The following ATAD3C variants were observed in gnomAD, a reference collection of about 807,000 sequenced individuals.
ATAD3C encodes the protein ATPase family AAA domain containing 3C.
ATAD3C carries 38 observed loss-of-function variants against 46.3 expected under a neutral mutation model. That is an observed-to-expected ratio of 0.82 (90% confidence interval 0.63 to 1.08). The LOEUF is 1.08. Among genes scored for constraint, ATAD3C ranks in the 50% least tolerant of loss-of-function variants. The pLI, the probability that ATAD3C is intolerant of heterozygous loss-of-function variation, is 0.00. For synonymous variants in ATAD3C, 220 were observed against 236.4 expected (o/e 0.93, Z 0.63); for missense variants, 563 against 572.7 (o/e 0.98, Z 0.17).
In ATAD3C at chr1:1,451,945, C is replaced by A. The variant is rs1025721752; in HGVS notation, c.76-101C>A. 50 of 1,524,234 alleles carry A rather than the reference C, an allele frequency of 3.3e-5. No homozygotes were observed. In the African/African-American group the frequency reaches 6.2e-4, roughly 19 times the overall value. The allele number at this position is 1,524,234 out of a possible 1,614,324, so 94.4% of individuals were successfully genotyped here. A position where few individuals can be genotyped will look rare whatever the true frequency, so the allele number is the denominator to read the frequency against. Reference sequence around the variant, plus strand: ...TGCAGGTCCCCAGGTGCCCGGGACGCTTGGAGCCCTGCGGTCCTGGGGCGG... The same window carrying A: ...TGCAGGTCCCCAGGTGCCCGGGACGATTGGAGCCCTGCGGTCCTGGGGCGG... On this transcript the variant is annotated intron_variant, in intron 1 of 11. Transcript: ENST00000378785.
chr1:1,456,612 GA>G (rs1443572980), intron 7 of ATAD3C, among the ~76,000 whole-genome samples: 4 of 151,820 alleles, frequency 2.6e-5, no homozygotes, highest in Admixed American at 2.6e-4. Flanking sequence ...TGCAGGGGGA[GA>G]GGGGTCTTCA....
At chr1:1,452,610 A>G (rs1184739542) in intron 3 of ATAD3C, among the ~76,000 whole-genome samples, 176 bp downstream of exon 3, 2 of 151,844 alleles carry the variant, frequency 1.3e-5, no homozygotes, top group African/African-American at 4.8e-5. Flanking sequence ...TTGAGCTGGG[A>G]GAAGAAAATG....
At chr1:1,465,669 T>C (rs185925905) in intron 11 of ATAD3C, among the ~76,000 whole-genome samples, 2 of 151,834 alleles carry the variant, frequency 1.3e-5, no homozygotes, top group East Asian at 3.9e-4. Flanking sequence ...TGATTTTGTA[T>C]CCTGTAACTT....
At chr1:1,464,431 G>A (rs1409133919) in intron 11 of ATAD3C, among the ~76,000 whole-genome samples, 3 of 143,870 alleles carry the variant, frequency 2.1e-5, no homozygotes, top group Admixed American at 2.0e-4. Flanking sequence ...TCACAGCGGT[G>A]GTGGTGAGCC....
intron 3 of ATAD3C, among the ~76,000 whole-genome samples, chr1:1,453,732 C>T (rs1298237523): frequency 2.6e-5 from 4 of 151,506 alleles, no homozygotes; most frequent in Admixed American, 1.3e-4. Context: ...CTCCGACTCG[C>T]GGGTTCAAGT....
In ATAD3C at chr1:1,459,668, C is replaced by G. The variant is rs1639024385; in HGVS notation, c.812+437C>G. Among the ~76,000 whole-genome samples the G allele has an allele frequency of 6.6e-6, 1 of 151,854 alleles. No homozygotes were observed. The highest frequency in any genetic ancestry group is 1.5e-5 in the Non-Finnish European group (1 of 67,946). ...CAGGTCCTGTGTGTCGGGGCGGAAC[C>G]TGGGACCTTGGTCCCCCGCCCGGAT... is the stretch of plus-strand genomic sequence containing the variant. On this transcript the variant is annotated intron_variant, in intron 9 of 11. Transcript: ENST00000378785. This position sits in a 1 kb window ranked among gnomAD's most constrained non-coding sequence, Gnocchi z 4.9.
intron 10 of ATAD3C, among the ~76,000 whole-genome samples, chr1:1,461,640 T>C (rs546134400): frequency 6.7e-6 from 1 of 150,208 alleles, no homozygotes; most frequent in Non-Finnish European, 1.5e-5. Context: ...GAGACCCCCA[T>C]GTAGGGACTG....
rs1220754158 is a variant in ATAD3C, at chr1:1,468,840, G to T, written c.*310G>T. 2.7e-6 allele frequency: 1 copy of T among 368,184 alleles called. No homozygotes were observed. Among genetic ancestry groups the T allele is most frequent in the Non-Finnish European group, 5.0e-6 (1 of 198,964 alleles). 22.8% of individuals were successfully genotyped at this position (368,184 alleles called of 1,614,324 possible). A position where few individuals can be genotyped will look rare whatever the true frequency, so the allele number is the denominator to read the frequency against. ...ATCCTGAGGCCGTGCATACGCGGGT[G>T]CCCCTTCGCCTCCCTCCCCTCCGCC... On this transcript the variant is annotated 3_prime_UTR_variant, in exon 12 of 12. Coordinates refer to ENST00000378785, the MANE Select transcript of ATAD3C (RefSeq NM_001039211.3).
rs70949592 is a variant in ATAD3C, at chr1:1,469,099, T to TAAAAAAAAAAAAAAAAAAAAAAA, written c.*584_*606dup. Reference sequence around the variant, plus strand: ...CAACATGGTGAAACTCCATCTCTCCTAAAAAAAAAAAAAAAAAAAAAAAAA... The same window carrying TAAAAAAAAAAAAAAAAAAAAAAA: ...CAACATGGTGAAACTCCATCTCTCCTAAAAAAAAAAAAAAAAAAAAAAAAAAAAAAAAAAAAAAAAAAAAAAAA... On this transcript the variant is annotated 3_prime_UTR_variant, in exon 12 of 12. Coordinates refer to ENST00000378785, the MANE Select transcript of ATAD3C (RefSeq NM_001039211.3). The TAAAAAAAAAAAAAAAAAAAAAAA allele has an allele frequency of 5.3e-5, 1 of 18,850 alleles. No individual in the cohort carries two copies. Among genetic ancestry groups the TAAAAAAAAAAAAAAAAAAAAAAA allele is most frequent in the African/African-American group, 1.3e-4 (1 of 7,840 alleles). 1.2% of individuals were successfully genotyped at this position (18,850 alleles called of 1,614,324 possible).
At chr1:1,454,974 G>A (rs926446083) in intron 4 of ATAD3C, among the ~76,000 whole-genome samples, 2 of 151,794 alleles carry the variant, frequency 1.3e-5, no homozygotes, top group Non-Finnish European at 2.9e-5. Context: ...CCAGCACTTT[G>A]GGAGGCCAAG....
chr1:1,460,180 C>G (rs1639032318), intron 9 of ATAD3C, among the ~76,000 whole-genome samples: 1 of 150,640 alleles, frequency 6.6e-6, no homozygotes, highest in Non-Finnish European at 1.5e-5. Flanking sequence ...TCAAGCGATT[C>G]TCCTACCTCA....
Position 1,469,313 on chromosome 1 carries a change from T to A in ATAD3C, c.*783T>A, listed in dbSNP as rs890473660. Reference sequence around the variant, plus strand: ...AAAAAAAAAAAAAAAAAGGGCCAGGTGGCACATGCCGGTGGTCCCAGCTTC... The same window carrying A: ...AAAAAAAAAAAAAAAAAGGGCCAGGAGGCACATGCCGGTGGTCCCAGCTTC... On this transcript the variant is annotated 3_prime_UTR_variant, in exon 12 of 12. Coordinates refer to ENST00000378785, the MANE Select transcript of ATAD3C (RefSeq NM_001039211.3). 1 of 140,844 alleles carries A rather than the reference T, an allele frequency of 7.1e-6. No individual in the cohort carries two copies. Among genetic ancestry groups the A allele is most frequent in the Non-Finnish European group, 1.5e-5 (1 of 65,198 alleles). The allele number at this position is 140,844 out of a possible 1,614,324, so 8.7% of individuals were successfully genotyped here.
chr1:1,449,751 A>G lies in ATAD3C; in HGVS notation c.-933A>G, dbSNP rs1638822754. 2.0e-5 allele frequency: 3 copies of G among 151,956 alleles called. No homozygotes were observed. Among genetic ancestry groups the G allele is most frequent in the South Asian group, 2.1e-4 (1 of 4,806 alleles). 9.4% of individuals were successfully genotyped at this position (151,956 alleles called of 1,614,324 possible). ...CAATGGGCCACCGCGCCCGGCCAGA[A>G]GATTTTTATGGTAAAATTTTGTGAT... is the stretch of plus-strand genomic sequence containing the variant. On this transcript the variant is annotated 5_prime_UTR_variant, in exon 1 of 12. Coordinates refer to ENST00000378785, the MANE Select transcript of ATAD3C (RefSeq NM_001039211.3).
At position 1,450,500 on chromosome 1, in the gene ATAD3C, T is replaced by C; in HGVS notation, c.-184T>C. On this transcript the variant is annotated 5_prime_UTR_variant, in exon 1 of 12. Coordinates refer to ENST00000378785, the MANE Select transcript of ATAD3C (RefSeq NM_001039211.3). ...AACCTCACAAATGCATCAGGCCGTG[T>C]GCTGGGGATGGGGCATCGTCACGCC... is the stretch of plus-strand genomic sequence containing the variant. 3 of 741,410 alleles carry C rather than the reference T, an allele frequency of 4.0e-6. No individual in the cohort carries two copies. The South Asian group carries it at 5.2e-5, about 13-fold the overall frequency. The allele number at this position is 741,410 out of a possible 1,614,324, so 45.9% of individuals were successfully genotyped here.
In ATAD3C at chr1:1,455,854, G is replaced by A. The variant is rs772626648; in HGVS notation, c.502G>A (p.Gly168Ser). 1.1e-5 allele frequency: 18 copies of A among 1,613,336 alleles called. 1 individual carries two copies. The African/African-American group carries it at 1.3e-4, about 12-fold the overall frequency. ...IMTRNIKKNR[G>S]LYRHILLYGP... is the part of the protein sequence containing the mutation. ...GACAAGGAACATCAAGAAGAACCGG[G>A]GCCTGTACAGGCACATCCTGCTGTA... The change falls in exon 6 of 12, where the codon GGC (glycine) becomes AGC (serine). Residue 168 changes from glycine (G) to serine (S), a missense_variant. Coordinates refer to ENST00000378785, the MANE Select transcript of ATAD3C (RefSeq NM_001039211.3).
intron 11 of ATAD3C, among the ~76,000 whole-genome samples, chr1:1,464,025 C>T (rs1025763283): frequency 2.7e-5 from 4 of 149,654 alleles, no homozygotes; most frequent in Non-Finnish European, 1.5e-5. Flanking sequence ...GCCAACATGT[C>T]GAACTCCACC....
chr1:1,459,093 G>A lies in ATAD3C; in HGVS notation c.742-68G>A, dbSNP rs1639015029. 1 of 1,561,674 alleles carries A rather than the reference G, an allele frequency of 6.4e-7. No homozygotes were observed. The highest frequency in any genetic ancestry group is 8.7e-7 in the Non-Finnish European group (1 of 1,154,490). On this transcript the variant is annotated intron_variant, in intron 8 of 11. Coordinates refer to ENST00000378785, the MANE Select transcript of ATAD3C (RefSeq NM_001039211.3). The surrounding 1 kb of genome is among the most constrained non-coding windows in gnomAD (Gnocchi z 4.9). ...CTCCCTGCAGGAGGGAGGCCTGTGG[G>A]ACTTTCTGCTGTGGCTGTTTACAAG...
chr1:1,450,836 G>A, intron 1 of ATAD3C, 78 bp downstream of exon 1: 10 of 1,589,622 alleles, frequency 6.3e-6, no homozygotes, highest in Non-Finnish European at 8.6e-6. Flanking sequence ...GCTACTGCCG[G>A]TGGGTAGGGC....
chr1:1,461,047 G>A (rs575401964), intron 10 of ATAD3C, 130 bp downstream of exon 10: 15 of 1,225,550 alleles, frequency 1.2e-5, no homozygotes, highest in South Asian at 7.7e-5. Context: ...CTGCGGTTTC[G>A]TGCAGGAGCC....
Sources: allele counts gnomAD v4.1 joint callset (sites outside exome capture counted in the v4.1 genomes callset), GRCh38; gene constraint gnomAD v4.1.1; non-coding constraint Gnocchi (gnomAD v3.1); transcripts MANE v1.5; gene names NCBI Gene and HGNC (gene_info 2026-07-23, HGNC 2026-07-21).